The following CCDC180 variants were observed in gnomAD, a reference collection of about 807,000 sequenced individuals.
CCDC180 encodes the protein coiled-coil domain containing 180.
Under a neutral mutation model 209.2 loss-of-function variants are expected in CCDC180, and 154 were observed. The ratio of observed to expected loss-of-function variants is 0.74; its 90% CI spans 0.65 to 0.84. CCDC180 has a LOEUF of 0.84. Ranked by LOEUF, CCDC180 falls within the 40% of genes least tolerant of loss-of-function variation. CCDC180 has a pLI of 0.00. For synonymous variants in CCDC180, 778 were observed against 749.1 expected (o/e 1.04, Z -0.63); for missense variants, 1,874 against 1,997.3 (o/e 0.94, Z 1.18).
At chr9:97,371,401 T>G in intron 33 of CCDC180, 194 bp from the exon 34 acceptor site, 1 of 420,766 alleles carries the variant, frequency 2.4e-6, no homozygotes, top group Non-Finnish European at 4.3e-6. Context: ...TTCTGAATCA[T>G]TTATTATGTT....
Position 97,374,674 on chromosome 9 carries a change from A to G in CCDC180, c.4706+26A>G, listed in dbSNP as rs777082915. The G allele has an allele frequency of 3.2e-6, 5 of 1,573,792 alleles. No individual in the cohort carries two copies. The South Asian group carries it at 5.5e-5, about 17-fold the overall frequency. On this transcript the variant is annotated intron_variant, in intron 35 of 36. Coordinates refer to ENST00000529487, the MANE Select transcript of CCDC180 (RefSeq NM_020893.6). Reference sequence around the variant, plus strand: ...GTGAGAACCAAGAGCAGCAAGGACTACTGTAAATGGCTGTATCTGCTGGGG... The same window carrying G: ...GTGAGAACCAAGAGCAGCAAGGACTGCTGTAAATGGCTGTATCTGCTGGGG...
rs202030409 is a variant in CCDC180 at position 97,364,059 on chromosome 9, C to T, written c.3911C>T (p.Pro1304Leu). ...ASATSAGSFT[P>L]HPKPNKMERK... Reference sequence around the variant, plus strand: ...CCACCTTTGTCCCACAGCTTCACACCGCACCCCAAGCCCAACAAAATGGAG... The same window carrying T: ...CCACCTTTGTCCCACAGCTTCACACTGCACCCCAAGCCCAACAAAATGGAG... The change falls in exon 29 of 37, where the codon CCG (proline) becomes CTG (leucine). Residue 1304 changes from proline (P) to leucine (L), a missense_variant. By Grantham distance (98) the Pro-to-Leu change is moderately conservative (BLOSUM62 -3). Coordinates refer to ENST00000529487, the MANE Select transcript of CCDC180 (RefSeq NM_020893.6). The T allele has an allele frequency of 2.7e-4, 433 of 1,614,012 alleles. 1 individual carries two copies. The highest frequency in any genetic ancestry group is 3.1e-4 in the Non-Finnish European group (367 of 1,180,026).
At chr9:97,326,207 G>T (rs1404964309) in intron 14 of CCDC180, among the ~76,000 whole-genome samples, 1 of 152,232 alleles carries the variant, frequency 6.6e-6, no homozygotes. Flanking sequence ...CTCAGCTTCT[G>T]ATTTCAAGCA....
Position 97,357,636 on chromosome 9 carries a change from T to A in CCDC180, c.3274T>A (p.Ser1092Thr). 1 of 1,611,824 alleles carries A rather than the reference T, an allele frequency of 6.2e-7. No homozygotes were observed. The highest frequency in any genetic ancestry group is 8.5e-7 in the Non-Finnish European group (1 of 1,179,326). ...ACCTCTGGTTTTCTAGGTGGCAAAA[T>A]CCAATTCGCAAACAAATGGATTAAA... is the stretch of plus-strand genomic sequence containing the variant. ...QVKIKCQVAKSNSQTNGLNFS... is the reference protein window; with the variant it reads ...QVKIKCQVAKTNSQTNGLNFS... The change falls in exon 25 of 37, where the codon TCC (serine) becomes ACC (threonine). Residue 1092 changes from serine (S) to threonine (T), a missense_variant. By Grantham distance (58) the Ser-to-Thr change is moderately conservative. Coordinates refer to ENST00000529487, the MANE Select transcript of CCDC180 (RefSeq NM_020893.6).
rs115383854 is a variant in CCDC180, at chr9:97,354,745, G to A, written c.3147+32G>A. On this transcript the variant is annotated intron_variant, in intron 23 of 36. Transcript: ENST00000529487. ...CCCCCAGCCAGGCCCCAGGCCAACC[G>A]GTTCCACAGTATCCCTTGCTCAACT... 9.8e-4 allele frequency: 1,579 copies of A among 1,613,692 alleles called. 11 individuals are homozygous for A. The African/African-American group carries it at 0.018, about 18-fold the overall frequency.
intron 28 of CCDC180, chr9:97,363,776 A>C (rs1018508112): frequency 1.3e-5 from 7 of 552,700 alleles, no homozygotes; most frequent in Non-Finnish European, 2.1e-5. Context: ...AGGAATGCAA[A>C]TTTCTGGGCC....
chr9:97,372,518 A>C (rs761594347), intron 34 of CCDC180: 1 of 152,228 alleles, frequency 6.6e-6, no homozygotes, highest in Non-Finnish European at 1.5e-5. Context: ...TGTTCACAGC[A>C]CTGTTTGAAA....
intron 27 of CCDC180, 146 bp downstream of exon 27, chr9:97,362,044 C>A: frequency 7.3e-7 from 1 of 1,366,204 alleles, no homozygotes; most frequent in Non-Finnish European, 1.0e-6. Context: ...AGGGCTTCCC[C>A]ACCCAGAGCC....
At chr9:97,338,430 A>G (rs1467472890) in intron 18 of CCDC180, among the ~76,000 whole-genome samples, 2 of 152,202 alleles carry the variant, frequency 1.3e-5, no homozygotes, top group African/African-American at 2.4e-5. Flanking sequence ...CCTGGTAGTC[A>G]TTCAGGAGCA....
At chr9:97,343,595 T>C in intron 19 of CCDC180, 32 bp downstream of exon 19, 1 of 1,471,686 alleles carries the variant, frequency 6.8e-7, no homozygotes, top group East Asian at 2.3e-5. Flanking sequence ...TCTCATCCTG[T>C]TGTTCTGAGT....
intron 14 of CCDC180, among the ~76,000 whole-genome samples, chr9:97,326,026 A>G (rs1833520930): frequency 1.3e-5 from 2 of 152,218 alleles, no homozygotes; most frequent in African/African-American, 4.8e-5. Flanking sequence ...GAAAAAGGGG[A>G]AGACACTCCA....
chr9:97,371,799 G>T, intron 34 of CCDC180, 93 bp downstream of exon 34: 1 of 679,424 alleles, frequency 1.5e-6, no homozygotes, highest in South Asian at 2.5e-5. Context: ...CTATCAAAGT[G>T]AAAACAAGTG....
intron 2 of CCDC180, 76 bp from the exon 3 acceptor site, chr9:97,309,338 G>A (rs1020150419): frequency 7.1e-7 from 1 of 1,416,210 alleles, no homozygotes. Context: ...TTTCTAGACA[G>A]CCACCATCAG....
At position 97,320,268 on chromosome 9, in the gene CCDC180, T is replaced by C; in HGVS notation, c.1159+63T>C. 2.7e-6 allele frequency: 4 copies of C among 1,461,198 alleles called. No homozygotes were observed. The Admixed American group carries it at 6.7e-5, about 24-fold the overall frequency. 90.5% of individuals were successfully genotyped at this position (1,461,198 alleles called of 1,614,324 possible). On this transcript the variant is annotated intron_variant, in intron 11 of 36. Transcript: ENST00000529487. ...AGAACTGTTTAAGCAGTTGCTTTGCTGAAGCTCAGCCAAATGAGTGGCGCC... is the reference window on the plus strand; with the variant it reads ...AGAACTGTTTAAGCAGTTGCTTTGCCGAAGCTCAGCCAAATGAGTGGCGCC...
chr9:97,328,179 C>G, intron 16 of CCDC180, 33 bp downstream of exon 16: 1 of 1,606,756 alleles, frequency 6.2e-7, no homozygotes, highest in East Asian at 2.2e-5. Flanking sequence ...CCCAGCCACT[C>G]ATGAAGAAGC....
intron 19 of CCDC180, among the ~76,000 whole-genome samples, chr9:97,344,387 A>G (rs1826185958): frequency 6.6e-6 from 1 of 152,174 alleles, no homozygotes; most frequent in Admixed American, 6.5e-5. Context: ...CACCTTGGAA[A>G]TGTCTCTTGA....
In CCDC180 at chr9:97,349,097, T is replaced by A; in HGVS notation, c.2675-14T>A. The stretch of plus-strand genomic sequence containing the variant: ...CGGGTCCCCGGGGCCCCAGCTCTCT[T>A]AATCCTTTTTCAGCCGAGCTTTTGC... On this transcript the variant is annotated splice_polypyrimidine_tract_variant and intron_variant, in intron 20 of 36. Coordinates refer to ENST00000529487, the MANE Select transcript of CCDC180 (RefSeq NM_020893.6). 1 of 1,534,244 alleles carries A rather than the reference T, an allele frequency of 6.5e-7. No homozygotes were observed. Among genetic ancestry groups the A allele is most frequent in the African/African-American group, 1.4e-5 (1 of 73,034 alleles).
chr9:97,322,838 T>C lies in CCDC180; in HGVS notation c.1165T>C (p.Tyr389His). The C allele has an allele frequency of 3.1e-6, 5 of 1,613,918 alleles. No individual in the cohort carries two copies. Among genetic ancestry groups the C allele is most frequent in the Non-Finnish European group, 4.2e-6 (5 of 1,179,898 alleles). The change falls in exon 12 of 37, where the codon TAC becomes CAC. Residue 389 changes from tyrosine (Y) to histidine (H), a missense_variant. Physicochemically the swap from Tyr to His is moderately conservative, Grantham distance 83. Transcript: ENST00000529487. ...TTTGTTTTCTGCCCATGGAGACACC[T>C]ACCACGTGGACTGCATGATGCGGAT... The part of the protein sequence containing the change: ...LNSLNKELDT[Y>H]HVDCMMRIRL...
In CCDC180 at chr9:97,330,505, G is replaced by A. The variant is rs769023199; in HGVS notation, c.2012G>A (p.Gly671Glu). ...TCCTTCATAACTGAAGAGGTGCTGG[G>A]GCAGCAGAAAAAATCTCCACTGCAT... is the stretch of plus-strand genomic sequence containing the variant. The part of the protein sequence containing the change: ...MESFITEEVL[G>E]QQKKSPLHAK... The change falls in exon 18 of 37, where the codon GGG (glycine) becomes GAG (glutamate). Residue 671 changes from glycine (G) to glutamate (E), a missense_variant. Transcript: ENST00000529487. 1.2e-6 allele frequency: 2 copies of A among 1,614,084 alleles called. No homozygotes were observed. Among genetic ancestry groups the A allele is most frequent in the Non-Finnish European group, 1.7e-6 (2 of 1,180,018 alleles).
Sources: allele counts gnomAD v4.1 joint callset (sites outside exome capture counted in the v4.1 genomes callset), GRCh38; gene constraint gnomAD v4.1.1; transcripts MANE v1.5; gene names NCBI Gene and HGNC (gene_info 2026-07-23, HGNC 2026-07-21).